Variants in GALNT13 observed in about 807,000 individuals in gnomAD.
The protein encoded by GALNT13 is UDP-GalNAc:polypeptide N-acetylgalactosaminyltransferase 13.
A neutral mutation model predicts 64.2 loss-of-function variants in GALNT13; 28 were observed. That is an observed-to-expected ratio of 0.44 (90% CI 0.32 to 0.60). The LOEUF is 0.60. Ranked by LOEUF, GALNT13 falls within the 20% of genes least tolerant of loss-of-function variation. GALNT13 has a pLI of 0.05. For missense variants in GALNT13, 577 were observed against 669.8 expected, an observed-to-expected ratio of 0.86 and a Z score of 1.53; for synonymous variants, 214 against 224.6, an observed-to-expected ratio of 0.95 and a Z score of 0.42.
the GALNT13 span, among the ~76,000 whole-genome samples, chr2:153,465,426 T>C: frequency 7.3e-5 from 11 of 151,426 alleles, no homozygotes; most frequent in Non-Finnish European, 1.5e-5. Flanking sequence ...TTAAGTTTTC[T>C]TCCCAAATAA....
At chr2:153,802,608 G>C in the GALNT13 span, among the ~76,000 whole-genome samples, 1 of 152,150 alleles carries the variant, frequency 6.6e-6, no homozygotes, top group Non-Finnish European at 1.5e-5. Context: ...GACATCAGTG[G>C]ATATGGATGC....
At chr2:153,806,880 C>A in the GALNT13 span, among the ~76,000 whole-genome samples, 2 of 151,328 alleles carry the variant, frequency 1.3e-5, no homozygotes, top group Non-Finnish European at 2.9e-5. Flanking sequence ...TTAGTCAATG[C>A]CACAGAGCTA....
At chr2:154,257,731 T>A (rs1257220125) in intron 7 of GALNT13, 2 of 152,312 alleles carry the variant, frequency 1.3e-5, no homozygotes, top group South Asian at 4.1e-4. Context: ...ATATGGTAGA[T>A]GTCCAAGTAC....
chr2:153,985,926 G>A (rs982162751), intron 3 of GALNT13, among the ~76,000 whole-genome samples: 2 of 152,044 alleles, frequency 1.3e-5, no homozygotes, highest in African/African-American at 2.4e-5. Context: ...AAGTTGTTAC[G>A]TGATCTCAGC....
chr2:153,691,076 C>T, the GALNT13 span, among the ~76,000 whole-genome samples: 1 of 152,140 alleles, frequency 6.6e-6, no homozygotes, highest in South Asian at 2.1e-4. Flanking sequence ...CAGCTTTCCA[C>T]TCCTTTGGTA....
At chr2:153,545,019 C>T in the GALNT13 span, among the ~76,000 whole-genome samples, 2 of 152,038 alleles carry the variant, frequency 1.3e-5, no homozygotes, top group East Asian at 1.9e-4. Context: ...TGAATAAGGA[C>T]TAGTAGTGAG....
At chr2:153,306,859 C>T in the GALNT13 span, among the ~76,000 whole-genome samples, 2 of 152,160 alleles carry the variant, frequency 1.3e-5, no homozygotes, top group African/African-American at 4.8e-5. Flanking sequence ...GCCTCAGCCT[C>T]CCAGGTAGCT....
chr2:154,157,498 C>T (rs1308053437), intron 4 of GALNT13, among the ~76,000 whole-genome samples: 3 of 152,166 alleles, frequency 2.0e-5, no homozygotes, highest in Non-Finnish European at 2.9e-5. Context: ...CAGAATCCTG[C>T]TTACTTCTTT....
At chr2:153,258,290 C>T in the GALNT13 span, among the ~76,000 whole-genome samples, 1 of 152,080 alleles carries the variant, frequency 6.6e-6, no homozygotes, top group African/African-American at 2.4e-5. Context: ...TTCCCCCCAC[C>T]CACCAAGTTG....
At chr2:153,891,138 A>G (rs1180553022) in intron 1 of GALNT13, among the ~76,000 whole-genome samples, 1 of 151,898 alleles carries the variant, frequency 6.6e-6, no homozygotes. Flanking sequence ...ACCTAGCAAA[A>G]TGCTCTACAC....
intron 3 of GALNT13, among the ~76,000 whole-genome samples, chr2:154,050,718 C>G (rs1198803652): frequency 6.6e-6 from 1 of 152,124 alleles, no homozygotes; most frequent in Non-Finnish European, 1.5e-5. Context: ...ATATGCACAT[C>G]TGTATTTTTC....
the GALNT13 span, among the ~76,000 whole-genome samples, chr2:153,551,240 A>T: frequency 6.6e-6 from 1 of 152,178 alleles, no homozygotes; most frequent in Non-Finnish European, 1.5e-5. Context: ...TGACAGTGTG[A>T]GACTCTGCTG....
chr2:153,786,688 T>C, the GALNT13 span, among the ~76,000 whole-genome samples: 1 of 151,838 alleles, frequency 6.6e-6, no homozygotes, highest in Non-Finnish European at 1.5e-5. Flanking sequence ...TCCACCCCAC[T>C]GGCTGAACAC....
chr2:154,202,415 A>G (rs1296133617), intron 4 of GALNT13, among the ~76,000 whole-genome samples: 1 of 152,086 alleles, frequency 6.6e-6, no homozygotes, highest in Non-Finnish European at 1.5e-5. Context: ...TAGTAGAAAC[A>G]TGAATGGAGG....
At chr2:153,800,498 A>G in the GALNT13 span, among the ~76,000 whole-genome samples, 7 of 152,248 alleles carry the variant, frequency 4.6e-5, no homozygotes, top group East Asian at 1.9e-4. Context: ...TTCATGAAAG[A>G]TTTCTCTGTA....
intron 9 of GALNT13, among the ~76,000 whole-genome samples, chr2:154,340,441 T>C (rs1372612902): frequency 6.6e-6 from 1 of 152,060 alleles, no homozygotes; most frequent in Non-Finnish European, 1.5e-5. Flanking sequence ...GCAGGAAAAT[T>C]GTTTGGCTCT....
chr2:154,303,980 A>G (rs939013008), intron 9 of GALNT13, among the ~76,000 whole-genome samples: 2 of 151,900 alleles, frequency 1.3e-5, no homozygotes, highest in African/African-American at 4.8e-5. Context: ...CTGGTCTCGA[A>G]CTCCTGACTT....
the GALNT13 span, among the ~76,000 whole-genome samples, chr2:153,219,419 G>A: frequency 1.3e-5 from 2 of 152,284 alleles, no homozygotes; most frequent in African/African-American, 4.8e-5. Flanking sequence ...GATGTATCAA[G>A]GGTTTTATGA....
chr2:154,213,904 TC>T (rs1197877309), intron 4 of GALNT13, among the ~76,000 whole-genome samples: 2 of 152,164 alleles, frequency 1.3e-5, no homozygotes, highest in Non-Finnish European at 2.9e-5. Flanking sequence ...CTCACGTACT[TC>T]TCTTCATCTG....
Sources: gnomAD v4.1 joint callset for allele counts (sites outside exome capture counted in the v4.1 genomes callset) on GRCh38, gnomAD v4.1.1 for gene constraint, MANE v1.5 for transcripts, NCBI Gene and HGNC (gene_info 2026-07-23, HGNC 2026-07-21) for gene names.